The following ANKMY1 variants were observed in gnomAD, a reference collection of about 807,000 sequenced individuals.
The protein encoded by ANKMY1 is ankyrin repeat and MYND domain-containing protein 1.
ANKMY1 carries 98 observed loss-of-function variants against 102.0 expected under a neutral mutation model. The ratio of observed to expected loss-of-function variants is 0.96; its 90% CI spans 0.82 to 1.14. ANKMY1 has a LOEUF of 1.14. ANKMY1 is among the 50% of genes most tolerant of loss of function. The pLI is 0.00. For synonymous variants in ANKMY1, 582 were observed against 559.9 expected, an observed-to-expected ratio of 1.04 and a Z score of -0.56; for missense variants, 1,330 against 1,347.6, an observed-to-expected ratio of 0.99 and a Z score of 0.20.
chr2:240,495,373 T>C (rs1164177798), intron 15 of ANKMY1, among the ~76,000 whole-genome samples: 1 of 152,254 alleles, frequency 6.6e-6, no homozygotes, highest in Non-Finnish European at 1.5e-5. Context: ...CTCCCTGTGA[T>C]GCTGTGCTTC....
rs201792868 is a variant in ANKMY1 at position 240,500,474 on chromosome 2, T to G, written c.2618A>C (p.Tyr873Ser). 15 of 1,614,000 alleles carry G rather than the reference T, an allele frequency of 9.3e-6. No homozygotes were observed. The East Asian group carries it at 3.3e-4, about 36-fold the overall frequency. ...EKEAVGTAVD[Y>S]GYFRFFQDRR... is the part of the protein sequence containing the mutation. ...TACCTGGAAGAATCTGAAGTAGCCA[T>G]AGTCCACGGCTGTGCCCACTGCCTC... Residue 873 changes from tyrosine (Y) to serine (S), a missense_variant, in exon 14 of 18, where the codon TAT (tyrosine) becomes TCT (serine). By Grantham distance (144) the Tyr-to-Ser change is moderately radical. Coordinates refer to ENST00000401804, the MANE Select transcript of ANKMY1 (RefSeq NM_001282771.3).
rs2092456132 is a variant in ANKMY1 at position 240,557,285 on chromosome 2, A to G, written c.51T>C (p.Ala17=). The G allele has an allele frequency of 5.0e-6, 8 of 1,593,164 alleles. No individual in the cohort carries two copies. Among genetic ancestry groups the G allele is most frequent in the Non-Finnish European group, 1.7e-6 (2 of 1,168,986 alleles). ...CCTCTAGCGGGCGTTGGCGGCTGCC[A>G]GCCCCAGAGACTTCGTCCTCTAAGC... The part of the protein sequence containing the change: ...SLSLEDEVSG[A]GSRQRPLEGK... The change falls in exon 2 of 18, where the codon GCT becomes GCC. Residue 17 remains alanine, a synonymous_variant. Coordinates refer to ENST00000401804, the MANE Select transcript of ANKMY1 (RefSeq NM_001282771.3).
intron 15 of ANKMY1, among the ~76,000 whole-genome samples, chr2:240,498,860 CCT>C (rs1211808857): frequency 6.6e-6 from 1 of 152,044 alleles, no homozygotes; most frequent in African/African-American, 2.4e-5. Context: ...TCTCTCTCTC[CCT>C]CTCTCTCTTG....
intron 7 of ANKMY1, among the ~76,000 whole-genome samples, chr2:240,524,851 T>A (rs1397467848): frequency 6.6e-6 from 1 of 152,246 alleles, no homozygotes; most frequent in African/African-American, 2.4e-5. Context: ...TTTATTTCTG[T>A]CACATGGCAC....
At chr2:240,498,544 G>A (rs1190522607) in intron 15 of ANKMY1, among the ~76,000 whole-genome samples, 1 of 146,546 alleles carries the variant, frequency 6.8e-6, no homozygotes, top group Non-Finnish European at 1.5e-5. Flanking sequence ...GCGGGCAGCT[G>A]TGGGGGTGGA....
At chr2:240,560,543 C>G, upstream of ANKMY1, 1 of 1,219,938 alleles carries the variant, frequency 8.2e-7, no homozygotes, top group Non-Finnish European at 1.0e-6. Context: ...GACCCAAGCC[C>G]CAGCCTGGTC....
In ANKMY1 at chr2:240,506,224, A is replaced by G. The variant is rs376883649; in HGVS notation, c.2526+1336T>C. Among the ~76,000 whole-genome samples the G allele has an allele frequency of 4.6e-5, 7 of 152,098 alleles. No individual in the cohort carries two copies. The highest frequency in any genetic ancestry group is 1.4e-4 in the African/African-American group (6 of 41,416). ...GCACATTCAGCGTCCACACACAACAACGCTGCCCCCTGAGCTGCCTCTCCC... is the reference window on the plus strand; with the variant it reads ...GCACATTCAGCGTCCACACACAACAGCGCTGCCCCCTGAGCTGCCTCTCCC... On this transcript the variant is annotated intron_variant, in intron 13 of 17. Transcript: ENST00000401804. This position sits in a 1 kb window ranked among gnomAD's most constrained non-coding sequence, Gnocchi z 4.9.
the ANKMY1 span, among the ~76,000 whole-genome samples, chr2:240,472,027 G>T: frequency 6.6e-6 from 1 of 152,154 alleles, no homozygotes. Context: ...CCCCTCAGCT[G>T]CAGTCTGAAA....
intron 5 of ANKMY1, chr2:240,527,558 A>AATGGATGGCTGGATGAATGGAT: frequency 9.5e-5 from 1 of 10,498 alleles, no homozygotes; most frequent in Admixed American, 9.4e-4. Flanking sequence ...AAGGTGGGTG[A>AATGGATGGCTGGATGAATGGAT]GTGGGTGAAT....
chr2:240,477,379 T>G (rs1016563859), downstream of ANKMY1, among the ~76,000 whole-genome samples: 10 of 152,182 alleles, frequency 6.6e-5, no homozygotes, highest in Non-Finnish European at 1.3e-4. Context: ...ATCCCTGAAT[T>G]TTAAGATTAA....
At chr2:240,554,455 C>T (rs570203022) in intron 3 of ANKMY1, 1 of 163,826 alleles carries the variant, frequency 6.1e-6, no homozygotes, top group African/African-American at 2.4e-5. Flanking sequence ...GTTTCAGCTG[C>T]ATTGAATGTG....
Position 240,506,624 on chromosome 2 carries a change from G to T in ANKMY1, c.2526+936C>A, listed in dbSNP as rs892960037. Reference sequence around the variant, plus strand: ...TTCCCCTTCCAAATGCCTGGGTCTCGCCCCCCATTCCAGACGCCTGAGTCT... The same window carrying T: ...TTCCCCTTCCAAATGCCTGGGTCTCTCCCCCCATTCCAGACGCCTGAGTCT... On this transcript the variant is annotated intron_variant, in intron 13 of 17. Transcript: ENST00000401804. The surrounding 1 kb of genome is among the most constrained non-coding windows in gnomAD (Gnocchi z 4.9). 1.3e-5 allele frequency among the ~76,000 whole-genome samples: 2 copies of T among 150,280 alleles called. No homozygotes were observed. The highest frequency in any genetic ancestry group is 1.5e-5 in the Non-Finnish European group (1 of 67,584).
At chr2:240,556,655 C>T (rs953635298) in intron 2 of ANKMY1, among the ~76,000 whole-genome samples, 3 of 152,202 alleles carry the variant, frequency 2.0e-5, no homozygotes, top group African/African-American at 4.8e-5. Flanking sequence ...CCCTGGCTCC[C>T]CACCTTTCAA....
At position 240,479,905 on chromosome 2, in the gene ANKMY1, G is replaced by T. The variant is rs141773687; in HGVS notation, c.3047-250C>A. Among the ~76,000 whole-genome samples, 570 of 152,228 alleles carry T rather than the reference G, an allele frequency of 3.7e-3. 5 individuals carry two copies. The highest frequency in any genetic ancestry group is 0.013 in the African/African-American group (552 of 41,554). On this transcript the variant is annotated intron_variant, in intron 17 of 17. Transcript: ENST00000401804. ...GCCAAGGAGCTGCGACCTCACCGAG[G>T]GCGCCTGTTATTAAAAGCCCCATTG...
At chr2:240,483,496 C>T (rs755280664) in intron 15 of ANKMY1, among the ~76,000 whole-genome samples, 7 of 152,192 alleles carry the variant, frequency 4.6e-5, no homozygotes, top group Non-Finnish European at 8.8e-5. Flanking sequence ...GTAAACAGCA[C>T]ATAGATGGAT....
At chr2:240,494,981 T>G (rs1199951654) in intron 15 of ANKMY1, among the ~76,000 whole-genome samples, 1 of 152,158 alleles carries the variant, frequency 6.6e-6, no homozygotes, top group Admixed American at 6.5e-5. Context: ...TAATTACTCT[T>G]TATTCCAATA....
At chr2:240,491,922 A>T (rs557901638) in intron 15 of ANKMY1, among the ~76,000 whole-genome samples, 97 of 152,228 alleles carry the variant, frequency 6.4e-4, no homozygotes, top group African/African-American at 2.3e-3. Context: ...GGTTCATTTG[A>T]ACTTCCTTTA....
chr2:240,536,795 TATA>T (rs778214615), intron 4 of ANKMY1, among the ~76,000 whole-genome samples: 4 of 152,260 alleles, frequency 2.6e-5, no homozygotes, highest in Non-Finnish European at 4.4e-5. Context: ...CCCTGGATTC[TATA>T]ATATTTATTG....
rs1411091618 is a variant in ANKMY1, at chr2:240,529,587, G to T, written c.481-78C>A. ...TGTGATCATGTTTGTAACGTCAAAA[G>T]AAATCCCAAAAAAGAAAACTTTCCC... On this transcript the variant is annotated intron_variant, in intron 4 of 17. Coordinates refer to ENST00000401804, the MANE Select transcript of ANKMY1 (RefSeq NM_001282771.3). The surrounding 1 kb of genome is among the most constrained non-coding windows in gnomAD (Gnocchi z 4.2). 3.0e-6 allele frequency: 4 copies of T among 1,354,414 alleles called. No homozygotes were observed. Among genetic ancestry groups the T allele is most frequent in the Non-Finnish European group, 3.9e-6 (4 of 1,012,752 alleles). The allele number at this position is 1,354,414 out of a possible 1,614,324, so 83.9% of individuals were successfully genotyped here.
Sources: gnomAD v4.1 joint callset for allele counts (sites outside exome capture counted in the v4.1 genomes callset) on GRCh38, gnomAD v4.1.1 for gene constraint, Gnocchi (gnomAD v3.1) non-coding constraint, MANE v1.5 for transcripts, NCBI Gene and HGNC (gene_info 2026-07-23, HGNC 2026-07-21) for gene names.